The following DISC1 variants were observed in gnomAD, a reference collection of about 807,000 sequenced individuals.
DISC1 encodes disrupted in schizophrenia 1 protein.
A neutral mutation model predicts 84.5 loss-of-function variants in DISC1; 57 were observed. The observed-to-expected ratio is 0.67, with a 90% CI of 0.55 to 0.84. The LOEUF (loss-of-function observed/expected upper bound fraction) is 0.84, where lower values mean the gene tolerates loss of function less well. DISC1 is among the 40% of genes least tolerant of loss of function. DISC1 has a pLI of 0.00. For missense variants in DISC1, 1,000 were observed against 1,057.8 expected, an observed-to-expected ratio of 0.95 and a Z score of 0.76; for synonymous variants, 411 against 415.2, an observed-to-expected ratio of 0.99 and a Z score of 0.12.
At chr1:231,782,453 G>A (rs2077497868) in intron 6 of DISC1, among the ~76,000 whole-genome samples, 1 of 152,134 alleles carries the variant, frequency 6.6e-6, no homozygotes, top group East Asian at 1.9e-4. Context: ...GGTTAAAATT[G>A]TCTCTGCAGA....
intron 9 of DISC1, among the ~76,000 whole-genome samples, chr1:231,823,363 A>G (rs1374640507): frequency 6.6e-6 from 1 of 152,236 alleles, no homozygotes; most frequent in Non-Finnish European, 1.5e-5. Flanking sequence ...AGCAAACAAC[A>G]ATAAAATTTA....
intron 6 of DISC1, among the ~76,000 whole-genome samples, chr1:231,772,342 C>A (rs1367083080): frequency 6.6e-6 from 1 of 152,130 alleles, no homozygotes; most frequent in Non-Finnish European, 1.5e-5. Context: ...GTGAGTGGCA[C>A]CCGAATGGGT....
intron 10 of DISC1, among the ~76,000 whole-genome samples, chr1:231,978,874 G>A (rs1663192137): frequency 6.6e-6 from 1 of 152,184 alleles, no homozygotes; most frequent in Admixed American, 6.5e-5. Flanking sequence ...CTGTAGATCA[G>A]GGGTCTCCAA....
chr1:231,815,749 A>G (rs1342263559), intron 8 of DISC1, among the ~76,000 whole-genome samples: 4 of 151,566 alleles, frequency 2.6e-5, no homozygotes, highest in Non-Finnish European at 4.4e-5. Context: ...AAAAAAAAAA[A>G]AAAGAAAGAA....
chr1:231,778,718 C>T (rs924952150), intron 6 of DISC1, among the ~76,000 whole-genome samples: 1 of 152,134 alleles, frequency 6.6e-6, no homozygotes, highest in Non-Finnish European at 1.5e-5. Context: ...TTGAAAATCC[C>T]CCTTATCTGG....
At chr1:231,947,676 C>G (rs1336344889) in intron 9 of DISC1, among the ~76,000 whole-genome samples, 1 of 152,186 alleles carries the variant, frequency 6.6e-6, no homozygotes, top group Non-Finnish European at 1.5e-5. Flanking sequence ...AGGCAACCTA[C>G]AGAATGGGGG....
chr1:231,851,002 A>G (rs566694900), intron 9 of DISC1, among the ~76,000 whole-genome samples: 75 of 152,294 alleles, frequency 4.9e-4, no homozygotes, highest in African/African-American at 1.8e-3. Flanking sequence ...AGGTCATAGC[A>G]AGGGCAGCAG....
chr1:231,977,558 C>A (rs1662990619), intron 10 of DISC1, among the ~76,000 whole-genome samples: 1 of 152,190 alleles, frequency 6.6e-6, no homozygotes, highest in Non-Finnish European at 1.5e-5. Flanking sequence ...TACATCAGAT[C>A]CACCAGATAA....
intron 9 of DISC1, among the ~76,000 whole-genome samples, chr1:231,886,262 A>C (rs998954456): frequency 2.0e-5 from 3 of 152,216 alleles, no homozygotes; most frequent in Non-Finnish European, 2.9e-5. Context: ...TATAGCAATG[A>C]GTAATATCCG....
chr1:231,991,118 A>G (rs1425545059), intron 10 of DISC1, among the ~76,000 whole-genome samples: 4 of 152,228 alleles, frequency 2.6e-5, no homozygotes, highest in Admixed American at 6.5e-5. Flanking sequence ...AGCCAGATAT[A>G]TGTGTCCACT....
At chr1:232,022,825 T>G (rs1465352983) in intron 11 of DISC1, among the ~76,000 whole-genome samples, 3 of 152,186 alleles carry the variant, frequency 2.0e-5, no homozygotes, top group African/African-American at 7.2e-5. Flanking sequence ...CAGTTCACAT[T>G]CAGTATCCTC....
In DISC1 at chr1:231,954,615, C is replaced by T. The variant is rs1310139519; in HGVS notation, c.1982-4213C>T. The stretch of plus-strand genomic sequence containing the variant: ...AGCATTTCTTTGAGCGCCCTCTTTG[C>T]TTCTTGGAACCTTGCCTTACTACCA... On this transcript the variant is annotated intron_variant, in intron 9 of 12. Transcript: ENST00000439617. This position sits in a 1 kb window ranked among gnomAD's most constrained non-coding sequence, Gnocchi z 4.8. Among the ~76,000 whole-genome samples the T allele has an allele frequency of 1.3e-5, 2 of 152,108 alleles. No homozygotes were observed. The highest frequency in any genetic ancestry group is 3.9e-4 in the East Asian group (2 of 5,188).
chr1:231,918,016 A>T (rs2089754518), intron 9 of DISC1, among the ~76,000 whole-genome samples: 1 of 152,242 alleles, frequency 6.6e-6, no homozygotes, highest in Non-Finnish European at 1.5e-5. Flanking sequence ...AACAGCAAAA[A>T]TTAGCATTGG....
Position 231,692,465 on chromosome 1 carries a change from C to T in DISC1, c.68-1361C>T, listed in dbSNP as rs118115839. On this transcript the variant is annotated intron_variant, in intron 1 of 12. Transcript: ENST00000439617. Reference sequence around the variant, plus strand: ...ATTTCCCCAGAGATTATCAATGCCACCCCCACCCCTTTTAGGAGATGGCAT... The same window carrying T: ...ATTTCCCCAGAGATTATCAATGCCATCCCCACCCCTTTTAGGAGATGGCAT... Among the ~76,000 whole-genome samples the T allele has an allele frequency of 1.1e-3, 167 of 152,314 alleles. 4 individuals carry two copies. The East Asian group carries it at 0.024, about 22-fold the overall frequency.
chr1:231,765,782 A>C (rs2076128368), intron 4 of DISC1, among the ~76,000 whole-genome samples: 1 of 152,196 alleles, frequency 6.6e-6, no homozygotes, highest in Non-Finnish European at 1.5e-5. Flanking sequence ...TAAGAGAAGG[A>C]GCCTAAAAGA....
At chr1:231,724,658 T>C (rs2125128128) in intron 3 of DISC1, among the ~76,000 whole-genome samples, 1 of 152,308 alleles carries the variant, frequency 6.6e-6, no homozygotes, top group East Asian at 1.9e-4. Context: ...GAATTCCTAA[T>C]CTTAAGCAGT....
chr1:231,662,306 C>T (rs772178530), intron 1 of DISC1, among the ~76,000 whole-genome samples: 2 of 152,232 alleles, frequency 1.3e-5, no homozygotes, highest in African/African-American at 4.8e-5. Context: ...GACCCTTCCT[C>T]ATCTGGACTG....
At chr1:231,708,424 C>T (rs1264916657) in intron 3 of DISC1, among the ~76,000 whole-genome samples, 4 of 152,184 alleles carry the variant, frequency 2.6e-5, no homozygotes. Flanking sequence ...GTATACATAA[C>T]AATGTTGGGA....
intron 10 of DISC1, among the ~76,000 whole-genome samples, chr1:231,987,747 G>A (rs191387739): frequency 6.2e-4 from 94 of 152,268 alleles, no homozygotes; most frequent in Non-Finnish European, 1.0e-3. Flanking sequence ...ACTTCAAAGG[G>A]ATCTAAGAAA....
Sources: allele counts gnomAD v4.1 joint callset (sites outside exome capture counted in the v4.1 genomes callset), GRCh38; gene constraint gnomAD v4.1.1; non-coding constraint Gnocchi (gnomAD v3.1); transcripts MANE v1.5; gene names NCBI Gene and HGNC (gene_info 2026-07-23, HGNC 2026-07-21).